Variants in ADAMTS12 observed in about 807,000 individuals in gnomAD.
ADAMTS12 encodes A disintegrin and metalloproteinase with thrombospondin motifs 12.
In ADAMTS12, 118 loss-of-function variants were observed where a neutral mutation model predicts 167.8. The ratio of observed to expected loss-of-function variants is 0.70; its 90% CI spans 0.61 to 0.82. The LOEUF is 0.82. Among genes scored for constraint, ADAMTS12 ranks in the 40% least tolerant of loss-of-function variants. The pLI is 0.00. For missense variants in ADAMTS12, 1,916 were observed against 1,998.8 expected, an observed-to-expected ratio of 0.96 and a Z score of 0.79; for synonymous variants, 704 against 716.9, an observed-to-expected ratio of 0.98 and a Z score of 0.29.
chr5:33,630,835 G>C lies in ADAMTS12; in HGVS notation c.1967C>G (p.Thr656Ser). The part of the protein sequence containing the change: ...EKMLDAVIDG[T>S]PCFEGGNSRN... ...GCTGTTGCCGCCTTCAAAGCAAGGG[G>C]TACCATCAATGACAGCATCCAGCAT... The change falls in exon 13 of 24, where the codon ACC (threonine) becomes AGC (serine). Residue 656 changes from threonine to serine, a missense_variant. Coordinates refer to ENST00000504830, the MANE Select transcript of ADAMTS12 (RefSeq NM_030955.4). 6.2e-7 allele frequency: 1 copy of C among 1,613,612 alleles called. No individual in the cohort carries two copies. Among genetic ancestry groups the C allele is most frequent in the South Asian group, 1.1e-5 (1 of 91,048 alleles).
At chr5:33,536,443 A>G (rs1044353302) in intron 22 of ADAMTS12, among the ~76,000 whole-genome samples, 12 of 152,154 alleles carry the variant, frequency 7.9e-5, no homozygotes, top group African/African-American at 2.9e-4. Flanking sequence ...GTATGAACCC[A>G]TCTCTCTGCT....
rs1045613713 is a variant in ADAMTS12 at position 33,523,883 on chromosome 5, C to T, written c.*3305G>A. The T allele has an allele frequency of 7.9e-5, 12 of 152,166 alleles. No individual in the cohort carries two copies. The highest frequency in any genetic ancestry group is 5.8e-4 in the East Asian group (3 of 5,190). The allele number at this position is 152,166 out of a possible 1,614,324, so 9.4% of individuals were successfully genotyped here. A position where few individuals can be genotyped will look rare whatever the true frequency, so the allele number is the denominator to read the frequency against. On this transcript the variant is annotated 3_prime_UTR_variant, in exon 24 of 24. Transcript: ENST00000504830. Reference sequence around the variant, plus strand: ...TGTGGCCTCTCCTTCAAAAGTGAATCACTGTGGACCAAGCACCAGAAACAT... The same window carrying T: ...TGTGGCCTCTCCTTCAAAAGTGAATTACTGTGGACCAAGCACCAGAAACAT...
intron 5 of ADAMTS12, among the ~76,000 whole-genome samples, chr5:33,669,355 T>A (rs923650600): frequency 2.6e-5 from 4 of 152,166 alleles, no homozygotes; most frequent in Non-Finnish European, 5.9e-5. Context: ...CCCATGAGGA[T>A]GTTGCCCATG....
intron 20 of ADAMTS12, among the ~76,000 whole-genome samples, chr5:33,560,506 G>C (rs1014770459): frequency 2.0e-5 from 3 of 152,110 alleles, no homozygotes; most frequent in Non-Finnish European, 2.9e-5. Context: ...ACAAAGCAAA[G>C]ACTTGGAACC....
rs138653962 is a variant in ADAMTS12 at position 33,888,981 on chromosome 5, C to T, written c.127+2749G>A. ...TCCAACGACTAAAATCCTGACTTAG[C>T]CCAACTCTTAGAACTAGAAGGAACC... On this transcript the variant is annotated intron_variant, in intron 1 of 23. Coordinates refer to ENST00000504830, the MANE Select transcript of ADAMTS12 (RefSeq NM_030955.4). Among the ~76,000 whole-genome samples the T allele has an allele frequency of 1.6e-4, 25 of 152,306 alleles. 1 individual carries two copies. In the East Asian group the frequency reaches 4.6e-3, roughly 28 times the overall value.
At chr5:33,640,525 G>C (rs908247428) in intron 11 of ADAMTS12, among the ~76,000 whole-genome samples, 6 of 152,262 alleles carry the variant, frequency 3.9e-5, no homozygotes, top group African/African-American at 1.2e-4. Context: ...GGATCAAATG[G>C]AAACAAACGA....
At chr5:33,791,996 T>C (rs1365630817) in intron 2 of ADAMTS12, among the ~76,000 whole-genome samples, 1 of 59,212 alleles carries the variant, frequency 1.7e-5, no homozygotes, top group Non-Finnish European at 3.0e-5. Context: ...GCTTTCACAC[T>C]TTTTTTTTTT....
chr5:33,615,851 T>A lies in ADAMTS12; in HGVS notation c.2365A>T (p.Thr789Ser). The stretch of plus-strand genomic sequence containing the variant: ...ACCTGGATCCACACAGACTCATTGG[T>A]GGGACCTGTGGCCATCAGCTTTTCC... ...DLEKLMATGP[T>S]NESVWIQLLF... is the part of the protein sequence containing the mutation. Residue 789 changes from threonine to serine, a missense_variant, in exon 15 of 24, where the codon ACC (threonine) becomes TCC (serine). Coordinates refer to ENST00000504830, the MANE Select transcript of ADAMTS12 (RefSeq NM_030955.4). 1.1e-5 allele frequency: 18 copies of A among 1,614,188 alleles called. No homozygotes were observed. Among genetic ancestry groups the A allele is most frequent in the Non-Finnish European group, 1.4e-5 (17 of 1,180,010 alleles).
At chr5:33,768,259 T>A (rs1027966445) in intron 2 of ADAMTS12, among the ~76,000 whole-genome samples, 3 of 152,170 alleles carry the variant, frequency 2.0e-5, no homozygotes, top group African/African-American at 7.2e-5. Context: ...GTTTACTTTA[T>A]TCACGGCAAA....
intron 10 of ADAMTS12, 43 bp downstream of exon 10, chr5:33,643,335 T>G: frequency 6.2e-7 from 1 of 1,604,050 alleles, no homozygotes; most frequent in Non-Finnish European, 8.5e-7. Context: ...CCAAGAACTC[T>G]GCCCACCGCC....
At chr5:33,647,606 C>T (rs1204722581) in intron 9 of ADAMTS12, among the ~76,000 whole-genome samples, 1 of 152,150 alleles carries the variant, frequency 6.6e-6, no homozygotes, top group Non-Finnish European at 1.5e-5. Context: ...TGGCGCATAC[C>T]CGTAATCCCA....
intron 2 of ADAMTS12, among the ~76,000 whole-genome samples, chr5:33,846,738 C>T (rs1424921183): frequency 1.3e-5 from 2 of 152,182 alleles, no homozygotes; most frequent in Non-Finnish European, 2.9e-5. Flanking sequence ...CTAACGAATA[C>T]TTGTTAATAA....
intron 1 of ADAMTS12, among the ~76,000 whole-genome samples, chr5:33,888,868 A>G (rs1453795348): frequency 6.6e-6 from 1 of 152,236 alleles, no homozygotes; most frequent in Non-Finnish European, 1.5e-5. Flanking sequence ...ACAACTGAGC[A>G]ATGTGGAAAG....
chr5:33,688,986 A>G (rs1742453270), intron 3 of ADAMTS12, among the ~76,000 whole-genome samples: 1 of 152,120 alleles, frequency 6.6e-6, no homozygotes, highest in African/African-American at 2.4e-5. Flanking sequence ...TCTCCAGCCT[A>G]CACTGCAGCT....
At chr5:33,679,585 C>T (rs1389090361) in intron 5 of ADAMTS12, among the ~76,000 whole-genome samples, 2 of 152,206 alleles carry the variant, frequency 1.3e-5, no homozygotes, top group Admixed American at 6.5e-5. Context: ...CGTATCACTT[C>T]CTCACTAGTT....
intron 19 of ADAMTS12, among the ~76,000 whole-genome samples, chr5:33,570,333 G>C (rs1746258651): frequency 6.6e-6 from 1 of 152,170 alleles, no homozygotes; most frequent in South Asian, 2.1e-4. Flanking sequence ...AAAATGTTAA[G>C]GGGAGCCAGA....
chr5:33,862,993 C>T (rs958345021), intron 2 of ADAMTS12, among the ~76,000 whole-genome samples: 2 of 152,108 alleles, frequency 1.3e-5, no homozygotes, highest in Non-Finnish European at 2.9e-5. Flanking sequence ...AATTCATCAC[C>T]CCTTCATGCT....
intron 2 of ADAMTS12, among the ~76,000 whole-genome samples, chr5:33,853,975 C>T (rs1749313149): frequency 6.6e-6 from 1 of 152,210 alleles, no homozygotes; most frequent in Non-Finnish European, 1.5e-5. Flanking sequence ...TAAAGTAACA[C>T]AGTGCATAGT....
At chr5:33,860,454 G>C (rs919901620) in intron 2 of ADAMTS12, among the ~76,000 whole-genome samples, 4 of 152,072 alleles carry the variant, frequency 2.6e-5, no homozygotes, top group Non-Finnish European at 5.9e-5. Flanking sequence ...GTGAAGACAA[G>C]ATGAGAGAAA....
Sources: allele counts gnomAD v4.1 joint callset (sites outside exome capture counted in the v4.1 genomes callset), GRCh38; gene constraint gnomAD v4.1.1; transcripts MANE v1.5; gene names NCBI Gene and HGNC (gene_info 2026-07-23, HGNC 2026-07-21).